RGS6: variants seen among roughly 807,000 people sequenced by gnomAD.
RGS6 encodes regulator of G-protein signaling 6.
Under a neutral mutation model 78.5 loss-of-function variants are expected in RGS6, and 30 were observed. The ratio of observed to expected loss-of-function variants is 0.38; its 90% CI spans 0.29 to 0.52. The LOEUF is 0.52. RGS6 is among the 20% of genes least tolerant of loss of function. The pLI, the probability that RGS6 is intolerant of heterozygous loss-of-function variation, is 0.85. For missense variants in RGS6, 495 were observed against 609.7 expected (o/e 0.81, Z 1.98); for synonymous variants, 206 against 206.0 (o/e 1.00, Z 0.00).
chr14:72,362,024 G>A (rs1013018708), intron 3 of RGS6, among the ~76,000 whole-genome samples: 1 of 152,196 alleles, frequency 6.6e-6, no homozygotes, highest in Admixed American at 6.5e-5. Context: ...TTTTATTTAT[G>A]ATTCATCATG....
chr14:72,145,827 G>A (rs1380527513), intron 2 of RGS6, among the ~76,000 whole-genome samples: 1 of 152,130 alleles, frequency 6.6e-6, no homozygotes, highest in Non-Finnish European at 1.5e-5. Flanking sequence ...TATAAGTGTG[G>A]TAAATGACAG....
chr14:71,886,152 G>T, the RGS6 span, among the ~76,000 whole-genome samples: 2 of 152,192 alleles, frequency 1.3e-5, no homozygotes, highest in African/African-American at 4.8e-5. Flanking sequence ...TTGGACTGAA[G>T]TGATTAAGGT....
chr14:72,591,055 A>C, the RGS6 span, among the ~76,000 whole-genome samples: 3 of 129,354 alleles, frequency 2.3e-5, no homozygotes. Context: ...AAACATATAC[A>C]AATAAATTCA....
At chr14:72,322,845 G>T (rs1463210860) in intron 2 of RGS6, among the ~76,000 whole-genome samples, 17 of 151,992 alleles carry the variant, frequency 1.1e-4, no homozygotes, top group African/African-American at 2.4e-5. Context: ...CTCTAATCTT[G>T]ATGAAAAACT....
At chr14:72,087,161 C>G (rs1385280412) in intron 2 of RGS6, among the ~76,000 whole-genome samples, 1 of 152,046 alleles carries the variant, frequency 6.6e-6, no homozygotes, top group African/African-American at 2.4e-5. Flanking sequence ...GATGGAGTCT[C>G]ACTCTGTTGC....
the RGS6 span, among the ~76,000 whole-genome samples, chr14:72,608,724 G>C: frequency 6.6e-6 from 1 of 152,202 alleles, no homozygotes; most frequent in South Asian, 2.1e-4. Context: ...CTGTGCCCAT[G>C]AAAGCTGTCA....
At chr14:72,047,907 T>C (rs962953441) in intron 2 of RGS6, among the ~76,000 whole-genome samples, 1 of 147,736 alleles carries the variant, frequency 6.8e-6, no homozygotes, top group East Asian at 2.0e-4. Context: ...TGTTTTTTTT[T>C]TTTTTTTTTT....
intron 2 of RGS6, among the ~76,000 whole-genome samples, chr14:72,350,745 C>G (rs1413301281): frequency 6.6e-6 from 1 of 152,092 alleles, no homozygotes; most frequent in Non-Finnish European, 1.5e-5. Context: ...TTATTTGCTG[C>G]CATAACTTAA....
rs1403780541 is a variant in RGS6 at position 72,006,668 on chromosome 14, C to T, written c.84+41793C>T. Among the ~76,000 whole-genome samples the T allele has an allele frequency of 4.6e-5, 7 of 152,184 alleles. No individual in the cohort carries two copies. In the South Asian group the frequency reaches 6.2e-4, roughly 14 times the overall value. ...TAAGAAACTCTGAGTCAAAACCGTC[C>T]GTCTAAATGGCTCCCAATTCCTGAC... On this transcript the variant is annotated intron_variant, in intron 2 of 17. Coordinates refer to ENST00000553525, the MANE Select transcript of RGS6 (RefSeq NM_001204424.2).
At chr14:72,198,709 C>T (rs991848877) in intron 2 of RGS6, among the ~76,000 whole-genome samples, 4 of 152,196 alleles carry the variant, frequency 2.6e-5, no homozygotes, top group South Asian at 2.1e-4. Flanking sequence ...GGACTTCCTT[C>T]GAGTCATATA....
intron 13 of RGS6, among the ~76,000 whole-genome samples, chr14:72,502,001 GC>G (rs1373880250): frequency 1.3e-5 from 2 of 151,992 alleles, no homozygotes; most frequent in Non-Finnish European, 2.9e-5. Flanking sequence ...CCCCATTGGT[GC>G]CTTCCCTCTT....
At chr14:71,928,806 G>A (rs1269432763), upstream of RGS6, among the ~76,000 whole-genome samples, 1 of 152,184 alleles carries the variant, frequency 6.6e-6, no homozygotes, top group East Asian at 1.9e-4. Context: ...AATGAACAAA[G>A]TATTGGGCTG....
intron 2 of RGS6, among the ~76,000 whole-genome samples, chr14:72,081,889 A>G (rs1301270690): frequency 6.6e-6 from 1 of 152,110 alleles, no homozygotes; most frequent in Non-Finnish European, 1.5e-5. Context: ...AAATGTAGAA[A>G]GTACAGAAAA....
intron 2 of RGS6, among the ~76,000 whole-genome samples, chr14:72,331,809 C>T (rs1460475802): frequency 6.6e-6 from 1 of 152,196 alleles, no homozygotes; most frequent in East Asian, 1.9e-4. Flanking sequence ...TCGTAACAAA[C>T]ACCCAATTTT....
At chr14:71,948,886 C>G (rs12588204) in intron 1 of RGS6, among the ~76,000 whole-genome samples, 1 of 151,656 alleles carries the variant, frequency 6.6e-6, no homozygotes. Context: ...CTGTAACTTT[C>G]TCTTTTTTGA....
the RGS6 span, among the ~76,000 whole-genome samples, chr14:72,604,811 TTCCTCAAGGTTTCAAGGGGGTTGG>T: frequency 8.5e-5 from 13 of 152,188 alleles, no homozygotes; most frequent in Admixed American, 2.0e-4. Context: ...TGGCATTATT[TTCCTCAAGGTTTCAAGGGGGTTGG>T]AGAGCGTTTC....
rs887162274 is a variant in RGS6, at chr14:72,035,278, G to A, written c.84+70403G>A. Among the ~76,000 whole-genome samples the A allele has an allele frequency of 1.0e-4, 14 of 140,492 alleles. No individual in the cohort carries two copies. The Admixed American group carries it at 1.0e-3, about 10-fold the overall frequency. The allele number at this position is 140,492 out of a possible 152,430, so 92.2% of individuals were successfully genotyped here. A position where few individuals can be genotyped will look rare whatever the true frequency, so the allele number is the denominator to read the frequency against. ...TCCTTTTAGATTATCCAATTTACTG[G>A]CATATGCTTATTCATAGCAATATAT... On this transcript the variant is annotated intron_variant, in intron 2 of 17. Coordinates refer to ENST00000553525, the MANE Select transcript of RGS6 (RefSeq NM_001204424.2).
intron 2 of RGS6, among the ~76,000 whole-genome samples, chr14:72,160,676 G>T (rs1196566232): frequency 1.3e-5 from 2 of 152,158 alleles, no homozygotes. Flanking sequence ...GAAAACATTT[G>T]GCCACATGGA....
chr14:72,494,190 A>G (rs990148510), intron 12 of RGS6, among the ~76,000 whole-genome samples: 1 of 152,228 alleles, frequency 6.6e-6, no homozygotes, highest in Non-Finnish European at 1.5e-5. Flanking sequence ...GTTTGTTAAA[A>G]CACTTGCTTG....
Sources: allele counts gnomAD v4.1 joint callset (sites outside exome capture counted in the v4.1 genomes callset), GRCh38; gene constraint gnomAD v4.1.1; transcripts MANE v1.5; gene names NCBI Gene and HGNC (gene_info 2026-07-23, HGNC 2026-07-21).